PDE1C: variants seen among roughly 807,000 people sequenced by gnomAD.
PDE1C encodes the protein phosphodiesterase 1C, also known as dual specificity calcium/calmodulin-dependent 3',5'-cyclic nucleotide phosphodiesterase 1C.
PDE1C carries 62 observed loss-of-function variants against 93.1 expected under a neutral mutation model. The ratio of observed to expected loss-of-function variants is 0.67; its 90% CI spans 0.54 to 0.82. The LOEUF is 0.82. Among genes scored for constraint, PDE1C ranks in the 40% least tolerant of loss-of-function variants. The pLI is 0.00. For synonymous variants in PDE1C, 325 were observed against 310.1 expected (o/e 1.05, Z -0.50); for missense variants, 742 against 884.6 (o/e 0.84, Z 2.04).
chr7:32,397,437 G>A (rs1416051278), intron 1 of PDE1C, among the ~76,000 whole-genome samples: 1 of 152,100 alleles, frequency 6.6e-6, no homozygotes, highest in Non-Finnish European at 1.5e-5. Flanking sequence ...TGTCAAGGCT[G>A]GAGGCAAATA....
At chr7:31,728,719 T>C in the PDE1C span, among the ~76,000 whole-genome samples, 1 of 152,064 alleles carries the variant, frequency 6.6e-6, no homozygotes, top group East Asian at 1.9e-4. Flanking sequence ...CTGCCTAGAG[T>C]TAAATATATG....
chr7:32,107,645 A>T (rs1347431386), intron 3 of PDE1C, among the ~76,000 whole-genome samples: 1 of 152,206 alleles, frequency 6.6e-6, no homozygotes. Context: ...ACCTTGCCAG[A>T]AATGTTAAAA....
chr7:31,926,592 C>T (rs1008378996), intron 2 of PDE1C, among the ~76,000 whole-genome samples: 7 of 152,178 alleles, frequency 4.6e-5, no homozygotes, highest in Non-Finnish European at 1.0e-4. Flanking sequence ...AGGTACCTGG[C>T]TTATCTCACC....
chr7:31,632,927 G>A, the PDE1C span, among the ~76,000 whole-genome samples: 71 of 151,162 alleles, frequency 4.7e-4, no homozygotes, highest in African/African-American at 1.6e-3. Context: ...TCACTCTGTC[G>A]CCAGGCTGGA....
the PDE1C span, among the ~76,000 whole-genome samples, chr7:31,681,124 T>C: frequency 6.6e-6 from 1 of 152,328 alleles, no homozygotes; most frequent in African/African-American, 2.4e-5. Flanking sequence ...TGAAACCATA[T>C]GACACTGTTC....
At chr7:31,684,277 T>C in the PDE1C span, among the ~76,000 whole-genome samples, 3 of 152,212 alleles carry the variant, frequency 2.0e-5, no homozygotes, top group Non-Finnish European at 2.9e-5. Context: ...TTTGAAAATA[T>C]TCCCTTTGAA....
intron 6 of PDE1C, among the ~76,000 whole-genome samples, chr7:31,867,564 C>A (rs1795453167): frequency 1.3e-5 from 2 of 152,148 alleles, no homozygotes; most frequent in Admixed American, 1.3e-4. Context: ...GCCCACCTAG[C>A]CTGTTGTAGC....
At chr7:32,264,708 C>T (rs1247603605) in intron 1 of PDE1C, among the ~76,000 whole-genome samples, 2 of 152,186 alleles carry the variant, frequency 1.3e-5, no homozygotes, top group African/African-American at 2.4e-5. Flanking sequence ...TCACTGGATT[C>T]GGTGCCCACA....
At chr7:32,188,367 G>A (rs906697786) in intron 2 of PDE1C, among the ~76,000 whole-genome samples, 22 of 151,924 alleles carry the variant, frequency 1.4e-4, no homozygotes, top group Admixed American at 1.2e-3. Context: ...GCATACATAC[G>A]ATTCATTTAT....
At chr7:32,140,345 GC>G (rs1278428631) in intron 3 of PDE1C, among the ~76,000 whole-genome samples, 5 of 152,156 alleles carry the variant, frequency 3.3e-5, no homozygotes, top group African/African-American at 1.2e-4. Flanking sequence ...TCCAGCCTCT[GC>G]CTCTTAGAAC....
rs1783943306 is a variant in PDE1C at position 32,350,552 on chromosome 7, A to AAGTCTTTT, written c.310+77269_310+77270insAAAAGACT. 3.4e-3 allele frequency among the ~76,000 whole-genome samples: 3 copies of AAGTCTTTT among 876 alleles called. 1 individual carries two copies. In the Non-Finnish European group the frequency reaches 0.14, roughly 40 times the overall value. The allele number at this position is 876 out of a possible 152,430, so 0.6% of individuals were successfully genotyped here. On this transcript the variant is annotated intron_variant, in intron 1 of 1. Coordinates refer to the PDE1C transcript ENST00000672256. ...TCTATGCATGGCATTTGACTAATAT[A>AAGTCTTTT]TATATATATATATATATATATATAT...
chr7:31,809,764 T>C (rs1028024054), intron 15 of PDE1C, among the ~76,000 whole-genome samples: 1 of 152,028 alleles, frequency 6.6e-6, no homozygotes, highest in Non-Finnish European at 1.5e-5. Context: ...CAAAACTGGG[T>C]ATATCCTACA....
intron 2 of PDE1C, among the ~76,000 whole-genome samples, chr7:31,922,021 T>C (rs1292310543): frequency 6.6e-6 from 1 of 152,168 alleles, no homozygotes; most frequent in Non-Finnish European, 1.5e-5. Context: ...GTCAAACAGC[T>C]GATAGGTGGT....
intron 3 of PDE1C, among the ~76,000 whole-genome samples, chr7:32,141,880 T>C (rs1800554738): frequency 6.6e-6 from 1 of 152,232 alleles, no homozygotes; most frequent in Admixed American, 6.5e-5. Flanking sequence ...GGTGACACTC[T>C]GTATTGTCTT....
intron 8 of PDE1C, among the ~76,000 whole-genome samples, chr7:31,848,724 C>T (rs191761752): frequency 1.3e-5 from 2 of 152,152 alleles, no homozygotes; most frequent in East Asian, 3.9e-4. Context: ...TTAATGAAAG[C>T]TTAGATTATT....
chr7:31,625,548 C>T, the PDE1C span, among the ~76,000 whole-genome samples: 1 of 151,998 alleles, frequency 6.6e-6, no homozygotes, highest in African/African-American at 2.4e-5. Flanking sequence ...CACATATTCT[C>T]ACTCATAGGT....
rs1488077043 is a variant in PDE1C at position 31,802,585 on chromosome 7, T to A, written c.1891+6446A>T. Among the ~76,000 whole-genome samples, 3 of 151,844 alleles carry A rather than the reference T, an allele frequency of 2.0e-5. No individual in the cohort carries two copies. The East Asian group carries it at 5.8e-4, about 30-fold the overall frequency. On this transcript the variant is annotated intron_variant, in intron 16 of 17. Coordinates refer to ENST00000396191, the MANE Select transcript of PDE1C (RefSeq NM_001191057.4). ...TCCTTCACCTTTCCTTAAAATTTCT[T>A]GCATGGTGCGTCTACTGGTGATGAA...
chr7:32,021,754 A>G (rs1788705384), intron 2 of PDE1C, among the ~76,000 whole-genome samples: 1 of 152,080 alleles, frequency 6.6e-6, no homozygotes, highest in Non-Finnish European at 1.5e-5. Flanking sequence ...CCACAGGTAG[A>G]CAATAATTTT....
chr7:31,810,980 G>A (rs760103033), intron 15 of PDE1C, among the ~76,000 whole-genome samples: 1 of 151,984 alleles, frequency 6.6e-6, no homozygotes, highest in African/African-American at 2.4e-5. Flanking sequence ...AACTCTTCAG[G>A]TTCCCTCTCA....
Sources: allele counts gnomAD v4.1 joint callset (sites outside exome capture counted in the v4.1 genomes callset), GRCh38; gene constraint gnomAD v4.1.1; transcripts MANE v1.5; gene names NCBI Gene and HGNC (gene_info 2026-07-23, HGNC 2026-07-21).